The following TENM1 variants were observed in gnomAD, a reference collection of about 807,000 sequenced individuals.
TENM1 encodes the protein teneurin transmembrane protein 1, also known as teneurin-1.
A neutral mutation model predicts 174.8 loss-of-function variants in TENM1; 35 were observed. That is an observed-to-expected ratio of 0.20 (90% CI 0.15 to 0.27). The LOEUF (loss-of-function observed/expected upper bound fraction) is 0.27, where lower values mean the gene tolerates loss of function less well. TENM1 is among the 10% of genes least tolerant of loss of function. The pLI is 1.00. For missense variants in TENM1, 1,633 were observed against 2,130.1 expected (o/e 0.77, Z 4.59); for synonymous variants, 781 against 798.7 (o/e 0.98, Z 0.37).
the TENM1 span, among the ~76,000 whole-genome samples, chrX:125,107,065 T>C: frequency 1.8e-5 from 2 of 112,020 alleles, no homozygotes; most frequent in African/African-American, 6.5e-5. Context: ...CTGTTGTAGG[T>C]TGGGTCACGG....
At chrX:125,175,388 C>T in the TENM1 span, among the ~76,000 whole-genome samples, 3 of 111,333 alleles carry the variant, frequency 2.7e-5, no homozygotes, top group Non-Finnish European at 5.7e-5. Flanking sequence ...ATTCCATACA[C>T]AGTCCTCTTT....
intron 1 of TENM1, among the ~76,000 whole-genome samples, chrX:124,919,366 A>G (rs991914043): frequency 2.7e-5 from 3 of 112,354 alleles, no homozygotes; most frequent in Non-Finnish European, 3.8e-5. Context: ...GGAATATTAT[A>G]TAACCTTGAA....
At position 124,807,045 on chromosome X, in the gene TENM1, C is replaced by T. The variant is rs182512681; in HGVS notation, c.536-69848G>A. On this transcript the variant is annotated intron_variant, in intron 3 of 31. Transcript: ENST00000422452. ...ATCATGGCAGAAGGCTAAGGAGGAG[C>T]TGGTGTATCACATGGTGAGAACAGA... 3.0e-3 allele frequency among the ~76,000 whole-genome samples: 331 copies of T among 111,719 alleles called. 3 individuals carry two copies. Among genetic ancestry groups the T allele is most frequent in the Non-Finnish European group, 3.0e-3 (159 of 53,163 alleles).
At chrX:124,466,922 G>A (rs2061247284) in intron 22 of TENM1, among the ~76,000 whole-genome samples, 4 of 111,410 alleles carry the variant, frequency 3.6e-5, no homozygotes, top group Admixed American at 2.9e-4. Flanking sequence ...TTTGGCTTGC[G>A]GAGGGACAAA....
At chrX:124,701,039 T>C (rs1243173176) in intron 5 of TENM1, among the ~76,000 whole-genome samples, 4 of 111,494 alleles carry the variant, frequency 3.6e-5, no homozygotes, top group Non-Finnish European at 7.5e-5. Flanking sequence ...CAAAACTCTA[T>C]CTCTTCTAGT....
At chrX:124,468,177 C>CT (rs1039132782) in intron 22 of TENM1, among the ~76,000 whole-genome samples, 27 of 105,770 alleles carry the variant, frequency 2.6e-4, no homozygotes, top group Non-Finnish European at 4.5e-4. Context: ...ATATCTCTTT[C>CT]TTTTTTTTTT....
At chrX:124,804,208 T>C (rs2055531131) in intron 3 of TENM1, among the ~76,000 whole-genome samples, 1 of 112,066 alleles carries the variant, frequency 8.9e-6, no homozygotes, top group African/African-American at 3.2e-5. Context: ...GGTAGGACAA[T>C]ATGAAATTAG....
intron 5 of TENM1, among the ~76,000 whole-genome samples, chrX:124,699,387 C>A (rs965766240): frequency 9.0e-6 from 1 of 110,791 alleles, no homozygotes; most frequent in Admixed American, 9.6e-5. Flanking sequence ...ATTTTCCTAG[C>A]CGGGCTAAGA....
chrX:124,420,379 C>T, exon 25 of TENM1: 1 of 1,211,550 alleles, frequency 8.3e-7, no homozygotes, highest in Non-Finnish European at 1.1e-6. Context: ...CTGGATAGGT[C>T]ATTAAGGCCA....
intron 1 of TENM1, among the ~76,000 whole-genome samples, chrX:124,936,530 G>T (rs900787618): frequency 1.8e-5 from 2 of 111,416 alleles, no homozygotes; most frequent in Non-Finnish European, 3.8e-5. Flanking sequence ...ATGAAGACGG[G>T]GTATATATTT....
chrX:125,014,239 T>A, the TENM1 span, among the ~76,000 whole-genome samples: 27 of 112,654 alleles, frequency 2.4e-4, no homozygotes, highest in Non-Finnish European at 3.9e-4. Context: ...ATAATATAAT[T>A]ATATCCCCAT....
rs185288195 is a variant in TENM1 at position 124,384,809 on chromosome X, A to C, written c.6122T>G (p.Leu2041Arg). ...GCTGTAGTCGAACCGTGCATTCACA[A>C]GGCCTTCTTCACTGAATCTGAAAAT... is the stretch of plus-strand genomic sequence containing the variant. Residue 2041 changes from leucine (L) to arginine (R), a missense_variant, in exon 30 of 32, where the codon CTT (leucine) becomes CGT (arginine). Transcript: ENST00000422452. The C allele has an allele frequency of 9.1e-6, 11 of 1,207,793 alleles. No individual in the cohort carries two copies. In the East Asian group the frequency reaches 3.0e-4, roughly 33 times the overall value.
At position 124,949,235 on chromosome X, in the gene TENM1, T is replaced by C. The variant is rs182949862; in HGVS notation, c.217+14302A>G. ...TTGACAATCAGGAATAATTCTTGTG[T>C]CCTGGCACTTTTCAGAATGATTTAT... On this transcript the variant is annotated intron_variant, in intron 1 of 31. Coordinates refer to ENST00000422452, the Ensembl canonical transcript of TENM1. 3.1e-4 allele frequency among the ~76,000 whole-genome samples: 35 copies of C among 111,896 alleles called. No individual in the cohort carries two copies. In the Admixed American group the frequency reaches 3.3e-3, roughly 11 times the overall value.
At chrX:124,711,148 A>G in intron 4 of TENM1, among the ~76,000 whole-genome samples, 1 of 111,808 alleles carries the variant, frequency 8.9e-6, no homozygotes, top group East Asian at 2.8e-4. Context: ...TCAAGTTCAA[A>G]TTTAAAAAGG....
intron 11 of TENM1, among the ~76,000 whole-genome samples, chrX:124,602,018 C>T (rs754351081): frequency 9.0e-6 from 1 of 111,190 alleles, no homozygotes; most frequent in Non-Finnish European, 1.9e-5. Context: ...ACTTTTCAAG[C>T]TGAAAATCTT....
chrX:124,691,756 T>C lies in TENM1; in HGVS notation c.1015+13257A>G, dbSNP rs181687674. ...CTATTATTTTTGTTTCCTACTCCAT[T>C]AATTTCTGCTATATCTTTCTTATTT... On this transcript the variant is annotated intron_variant, in intron 5 of 31. Coordinates refer to ENST00000422452, the Ensembl canonical transcript of TENM1. Among the ~76,000 whole-genome samples the C allele has an allele frequency of 4.6e-3, 516 of 111,833 alleles. 3 individuals are homozygous for C. The highest frequency in any genetic ancestry group is 0.016 in the African/African-American group (497 of 30,859).
At chrX:124,932,081 C>T (rs1481322191) in intron 1 of TENM1, among the ~76,000 whole-genome samples, 2 of 111,581 alleles carry the variant, frequency 1.8e-5, no homozygotes, top group Admixed American at 1.9e-4. Flanking sequence ...TATTTAAGGC[C>T]AATGAGAATA....
chrX:124,844,987 G>A (rs1255725949), intron 3 of TENM1, among the ~76,000 whole-genome samples: 1 of 111,189 alleles, frequency 9.0e-6, no homozygotes, highest in Non-Finnish European at 1.9e-5. Context: ...GTGGCCTAGA[G>A]ATTTGTATGT....
intron 1 of TENM1, among the ~76,000 whole-genome samples, chrX:124,942,119 G>C (rs2058337024): frequency 9.0e-6 from 1 of 111,279 alleles, no homozygotes; most frequent in South Asian, 3.8e-4. Context: ...AGCCAAACCA[G>C]TTTTTTTCAG....
Sources: gnomAD v4.1 joint callset for allele counts (sites outside exome capture counted in the v4.1 genomes callset) on GRCh38, gnomAD v4.1.1 for gene constraint, MANE v1.5 for transcripts, NCBI Gene and HGNC (gene_info 2026-07-23, HGNC 2026-07-21) for gene names.